Variants in CNIH3 observed in about 807,000 individuals in gnomAD.
CNIH3 encodes cornichon family AMPA receptor auxiliary protein 3, also known as protein cornichon homolog 3.
Under a neutral mutation model 24.1 loss-of-function variants are expected in CNIH3, and 14 were observed. The ratio of observed to expected loss-of-function variants is 0.58; its 90% confidence interval spans 0.38 to 0.91. CNIH3 has a LOEUF of 0.91. Among genes scored for constraint, CNIH3 ranks in the 40% least tolerant of loss-of-function variants. The pLI is 0.00. For synonymous variants in CNIH3, 68 were observed against 73.8 expected, an observed-to-expected ratio of 0.92 and a Z score of 0.40; for missense variants, 178 against 196.8, an observed-to-expected ratio of 0.90 and a Z score of 0.57.
chr1:224,529,710 T>G (rs762877572), intron 2 of CNIH3, among the ~76,000 whole-genome samples: 7 of 152,162 alleles, frequency 4.6e-5, no homozygotes, highest in Non-Finnish European at 8.8e-5. Flanking sequence ...TATTTTCCAG[T>G]GCTCATGTGA....
At chr1:224,512,409 G>A (rs1260177198), upstream of CNIH3, among the ~76,000 whole-genome samples, 2 of 152,196 alleles carry the variant, frequency 1.3e-5, no homozygotes, top group Non-Finnish European at 2.9e-5. Flanking sequence ...GAGCCCAGGT[G>A]TTTGAGGTTA....
intron 3 of CNIH3, among the ~76,000 whole-genome samples, chr1:224,551,938 A>C (rs1454028228): frequency 6.6e-6 from 1 of 151,164 alleles, no homozygotes; most frequent in South Asian, 2.1e-4. Context: ...CTCTGTGTAC[A>C]CCCACTGTTG....
chr1:224,706,250 GCTGATCTGCCGTGTTCACTT>G, intron 3 of CNIH3, among the ~76,000 whole-genome samples: 1 of 152,180 alleles, frequency 6.6e-6, no homozygotes, highest in East Asian at 1.9e-4. Context: ...CATCTTGGAT[GCTGATCTGCCGTGTTCACTT>G]CTGATTAGCC....
chr1:224,446,948 G>A (rs1675190900), intron 1 of CNIH3, among the ~76,000 whole-genome samples: 1 of 152,128 alleles, frequency 6.6e-6, no homozygotes, highest in South Asian at 2.1e-4. Context: ...TAGCCTGGGT[G>A]CCCATGGACT....
chr1:224,716,879 G>T (rs889167801), intron 3 of CNIH3, among the ~76,000 whole-genome samples: 1 of 152,224 alleles, frequency 6.6e-6, no homozygotes, highest in Non-Finnish European at 1.5e-5. Flanking sequence ...ATGCCGTAAA[G>T]CTCCTCATCA....
chr1:224,625,396 T>TA (rs947358845), intron 1 of CNIH3, among the ~76,000 whole-genome samples: 20 of 148,654 alleles, frequency 1.3e-4, no homozygotes, highest in South Asian at 2.1e-4. Flanking sequence ...AAAAATAAAA[T>TA]AAAAAAAAAA....
rs1686566587 is a variant in CNIH3, at chr1:224,684,676, C to A, written c.151-120C>A. On this transcript the variant is annotated intron_variant, in intron 2 of 5. Coordinates refer to ENST00000272133, the MANE Select transcript of CNIH3 (RefSeq NM_152495.2). This position sits in a 1 kb window ranked among gnomAD's most constrained non-coding sequence, Gnocchi z 4.2. ...GGGTGGGAGCATGCTGGCCATGTGC[C>A]CAGGAGGGGTCTCTGGTGGCTTCTG... 4 of 847,492 alleles carry A rather than the reference C, an allele frequency of 4.7e-6. No homozygotes were observed. The highest frequency in any genetic ancestry group is 8.1e-6 in the Non-Finnish European group (4 of 493,084). 52.5% of individuals were successfully genotyped at this position (847,492 alleles called of 1,614,324 possible). A position where few individuals can be genotyped will look rare whatever the true frequency, so the allele number is the denominator to read the frequency against.
At chr1:224,470,050 G>A (rs1011652905) in intron 1 of CNIH3, among the ~76,000 whole-genome samples, 3 of 149,982 alleles carry the variant, frequency 2.0e-5, no homozygotes, top group South Asian at 2.1e-4. Context: ...ACAGAGTCTC[G>A]CTTTGTTGCC....
chr1:224,618,359 C>T (rs1214168565), intron 1 of CNIH3, among the ~76,000 whole-genome samples: 1 of 152,186 alleles, frequency 6.6e-6, no homozygotes, highest in East Asian at 1.9e-4. Context: ...AGAGAAGGAC[C>T]CTGAGACGAA....
chr1:224,726,441 A>G (rs182829671), intron 3 of CNIH3, among the ~76,000 whole-genome samples: 1 of 152,338 alleles, frequency 6.6e-6, no homozygotes, highest in African/African-American at 2.4e-5. Context: ...AAAATTGACT[A>G]TTAGCATCTG....
intron 2 of CNIH3, among the ~76,000 whole-genome samples, chr1:224,522,485 G>A (rs531486202): frequency 7.9e-5 from 12 of 152,330 alleles, no homozygotes; most frequent in African/African-American, 2.9e-4. Flanking sequence ...CAAGCCACAG[G>A]TGGGAGAAGG....
rs1014618785 is a variant in CNIH3, at chr1:224,703,974, A to G, written c.198+19131A>G. Among the ~76,000 whole-genome samples the G allele has an allele frequency of 1.3e-5, 2 of 152,212 alleles. No homozygotes were observed. Among genetic ancestry groups the G allele is most frequent in the African/African-American group, 2.4e-5 (1 of 41,458 alleles). ...CAAAGGGAGCAACGGTGCACCAATCATGCGATGAATGAGGCCAGAGTTTCA... is the reference window on the plus strand; with the variant it reads ...CAAAGGGAGCAACGGTGCACCAATCGTGCGATGAATGAGGCCAGAGTTTCA... On this transcript the variant is annotated intron_variant, in intron 3 of 5. Coordinates refer to ENST00000272133, the MANE Select transcript of CNIH3 (RefSeq NM_152495.2). This position sits in a 1 kb window ranked among gnomAD's most constrained non-coding sequence, Gnocchi z 4.2.
intron 1 of CNIH3, among the ~76,000 whole-genome samples, chr1:224,446,987 G>A (rs1331299288): frequency 6.6e-6 from 1 of 152,020 alleles, no homozygotes; most frequent in Non-Finnish European, 1.5e-5. Flanking sequence ...TTTGGAGGAT[G>A]GTATAAGAAG....
Position 224,739,449 on chromosome 1 carries a change from TG to T in CNIH3, c.*94del. 1 of 1,574,234 alleles carries T rather than the reference TG, an allele frequency of 6.4e-7. No individual in the cohort carries two copies. Among genetic ancestry groups the T allele is most frequent in the Middle Eastern group, 1.7e-4 (1 of 5,816 alleles). ...CTGGTGACTGGAGGAGGGACCAGAATGAGGATACGTGAGAAATAGACCCGGC... is the reference window on the plus strand; with the variant it reads ...CTGGTGACTGGAGGAGGGACCAGAATAGGATACGTGAGAAATAGACCCGGC... On this transcript the variant is annotated 3_prime_UTR_variant, in exon 6 of 6. Coordinates refer to ENST00000272133, the MANE Select transcript of CNIH3 (RefSeq NM_152495.2).
chr1:224,503,550 C>T (rs1354070601), intron 1 of CNIH3, among the ~76,000 whole-genome samples: 2 of 152,180 alleles, frequency 1.3e-5, no homozygotes, highest in Non-Finnish European at 2.9e-5. Context: ...GCCTGGGCCT[C>T]GGGGAAGCCC....
intron 3 of CNIH3, chr1:224,565,766 A>G (rs1332126785): frequency 1.3e-5 from 2 of 152,368 alleles, no homozygotes; most frequent in Non-Finnish European, 2.9e-5. Context: ...TCTCCTGTAC[A>G]CCACATATTG....
chr1:224,609,702 G>A (rs1682595842), intron 3 of CNIH3, among the ~76,000 whole-genome samples: 1 of 152,142 alleles, frequency 6.6e-6, no homozygotes, highest in Non-Finnish European at 1.5e-5. Flanking sequence ...TTTTCCTGTG[G>A]GCAGAACAGG....
At chr1:224,482,442 T>C (rs907144828) in intron 1 of CNIH3, among the ~76,000 whole-genome samples, 6 of 152,102 alleles carry the variant, frequency 3.9e-5, no homozygotes, top group Admixed American at 1.3e-4. Flanking sequence ...AAGGGCTCTT[T>C]AGTCAGCAGA....
At chr1:224,540,901 C>T (rs1177289932), downstream of CNIH3, among the ~76,000 whole-genome samples, 2 of 152,084 alleles carry the variant, frequency 1.3e-5, no homozygotes, top group African/African-American at 2.4e-5. Flanking sequence ...GTTCAACTTT[C>T]GAAAACTAGA....
Sources: gnomAD v4.1 joint callset for allele counts (sites outside exome capture counted in the v4.1 genomes callset) on GRCh38, gnomAD v4.1.1 for gene constraint, Gnocchi (gnomAD v3.1) non-coding constraint, MANE v1.5 for transcripts, NCBI Gene and HGNC (gene_info 2026-07-23, HGNC 2026-07-21) for gene names.